The following IGF1R variants were observed in gnomAD, a reference collection of about 807,000 sequenced individuals.
IGF1R encodes insulin-like growth factor 1 receptor.
IGF1R carries 44 observed loss-of-function variants against 144.6 expected under a neutral mutation model. The observed-to-expected ratio is 0.30, with a 90% CI of 0.24 to 0.39. The LOEUF is 0.39. Ranked by LOEUF, IGF1R falls within the 10% of genes least tolerant of loss-of-function variation. The pLI is 1.00. For missense variants in IGF1R, 1,355 were observed against 1,833.7 expected, an observed-to-expected ratio of 0.74 and a Z score of 4.77; for synonymous variants, 795 against 722.8, an observed-to-expected ratio of 1.10 and a Z score of -1.60.
Position 98,794,095 on chromosome 15 carries a change from T to C in IGF1R, c.640+85988T>C, listed in dbSNP as rs1002379241. ...GTTGGTCACAAATGGCAGTGTCCTCTGCATTCAGTTCAGCTATGTGACTGA... is the reference window on the plus strand; with the variant it reads ...GTTGGTCACAAATGGCAGTGTCCTCCGCATTCAGTTCAGCTATGTGACTGA... On this transcript the variant is annotated intron_variant, in intron 2 of 20. Transcript: ENST00000650285. Among the ~76,000 whole-genome samples, 3 of 152,222 alleles carry C rather than the reference T, an allele frequency of 2.0e-5. No individual in the cohort carries two copies. The East Asian group carries it at 5.8e-4, about 29-fold the overall frequency.
At chr15:98,893,634 C>T (rs987401598) in intron 3 of IGF1R, 1 of 152,152 alleles carries the variant, frequency 6.6e-6, no homozygotes, top group Non-Finnish European at 1.5e-5. Context: ...AGTGTGCTAT[C>T]GTCTTTGTTT....
intron 2 of IGF1R, among the ~76,000 whole-genome samples, chr15:98,887,360 C>T (rs1453043208): frequency 1.3e-5 from 2 of 151,976 alleles, no homozygotes; most frequent in African/African-American, 4.8e-5. Flanking sequence ...AAAATCCCGG[C>T]ATTGATATTT....
intron 2 of IGF1R, among the ~76,000 whole-genome samples, chr15:98,719,450 C>T (rs1013826505): frequency 6.6e-6 from 1 of 152,136 alleles, no homozygotes. Flanking sequence ...CCAAATATTT[C>T]TTGTTTGCTG....
At chr15:98,894,002 TC>T (rs1251048241) in intron 3 of IGF1R, among the ~76,000 whole-genome samples, 1 of 152,240 alleles carries the variant, frequency 6.6e-6, no homozygotes, top group Non-Finnish European at 1.5e-5. Context: ...TCAAAACACT[TC>T]CTTAGAAAAA....
In IGF1R at chr15:98,907,481, T is replaced by C. The variant is rs918433125; in HGVS notation, c.1248-1204T>C. 4.6e-5 allele frequency among the ~76,000 whole-genome samples: 7 copies of C among 152,176 alleles called. 1 individual carries two copies. The highest frequency in any genetic ancestry group is 2.9e-5 in the Non-Finnish European group (2 of 68,030). On this transcript the variant is annotated intron_variant, in intron 5 of 20. Transcript: ENST00000650285. ...TTTATACATTAGATCTGTGAGTGGA[T>C]CTTAGAAGTCACTCAAAGTACTGCA...
At position 98,909,261 on chromosome 15, in the gene IGF1R, C is replaced by CTTTTTT. The variant is rs752298130; in HGVS notation, c.1462+375_1462+380dup. On this transcript the variant is annotated intron_variant, in intron 6 of 20. Coordinates refer to ENST00000650285, the MANE Select transcript of IGF1R (RefSeq NM_000875.5). Reference sequence around the variant, plus strand: ...TCTTTTCTTTTTTTTCTTTTTTTTTCTTTTTTTTTTTTTTTTTTGAGATGG... The same window carrying CTTTTTT: ...TCTTTTCTTTTTTTTCTTTTTTTTTCTTTTTTTTTTTTTTTTTTTTTTTTGAGATGG... 4.7e-4 allele frequency among the ~76,000 whole-genome samples: 43 copies of CTTTTTT among 91,730 alleles called. 1 individual carries two copies. Among genetic ancestry groups the CTTTTTT allele is most frequent in the East Asian group, 1.0e-3 (3 of 2,932 alleles). 60.2% of individuals were successfully genotyped at this position (91,730 alleles called of 152,430 possible).
At chr15:98,809,852 C>T (rs968694329) in intron 2 of IGF1R, among the ~76,000 whole-genome samples, 5 of 152,154 alleles carry the variant, frequency 3.3e-5, no homozygotes, top group Middle Eastern at 3.4e-3. Context: ...TCACGTTCCA[C>T]GTATTGTGTT....
At chr15:98,787,435 G>A (rs749998908) in intron 2 of IGF1R, among the ~76,000 whole-genome samples, 6 of 152,196 alleles carry the variant, frequency 3.9e-5, no homozygotes, top group South Asian at 2.1e-4. Flanking sequence ...GCGTTGGAGC[G>A]TGAGCAAAGG....
At chr15:98,797,055 C>T (rs1206418830) in intron 2 of IGF1R, among the ~76,000 whole-genome samples, 2 of 152,330 alleles carry the variant, frequency 1.3e-5, no homozygotes, top group South Asian at 2.1e-4. Flanking sequence ...CTGATGGCTG[C>T]CCCATCTGCC....
chr15:98,932,845 A>G (rs1392170749), intron 15 of IGF1R, among the ~76,000 whole-genome samples: 1 of 152,250 alleles, frequency 6.6e-6, no homozygotes, highest in Non-Finnish European at 1.5e-5. Flanking sequence ...AGAAAACAAG[A>G]TTATTAATGA....
intron 2 of IGF1R, among the ~76,000 whole-genome samples, chr15:98,846,834 C>G (rs2011347297): frequency 6.6e-6 from 1 of 152,192 alleles, no homozygotes. Flanking sequence ...TTTTGCAACA[C>G]TTTGTTGGGA....
At chr15:98,825,919 G>A (rs907707350) in intron 2 of IGF1R, among the ~76,000 whole-genome samples, 4 of 152,196 alleles carry the variant, frequency 2.6e-5, no homozygotes, top group African/African-American at 4.8e-5. Flanking sequence ...TCACCCCTAT[G>A]GGTGTGAATG....
chr15:98,751,143 G>A (rs928393459), intron 2 of IGF1R, among the ~76,000 whole-genome samples: 4 of 152,084 alleles, frequency 2.6e-5, no homozygotes, highest in African/African-American at 7.2e-5. Context: ...GCCTCTGATC[G>A]TTACATGTTT....
chr15:98,940,119 CAT>C (rs1305150521), intron 18 of IGF1R, among the ~76,000 whole-genome samples: 1 of 152,208 alleles, frequency 6.6e-6, no homozygotes, highest in Admixed American at 6.5e-5. Flanking sequence ...TAAAAACACA[CAT>C]AACATCAGGG....
rs1422960028 is a variant in IGF1R at position 98,700,589 on chromosome 15, A to G, written c.95-6973A>G. ...CTGATGCATGTTGAGGACTTTGAAC[A>G]CTCCTCCTACAAGCAAAGTGAAGTT... is the stretch of plus-strand genomic sequence containing the variant. On this transcript the variant is annotated intron_variant, in intron 1 of 20. Coordinates refer to ENST00000650285, the MANE Select transcript of IGF1R (RefSeq NM_000875.5). 4.0e-5 allele frequency among the ~76,000 whole-genome samples: 6 copies of G among 151,656 alleles called. No individual in the cohort carries two copies. In the East Asian group the frequency reaches 7.8e-4, roughly 20 times the overall value.
chr15:98,681,888 G>C (rs942897665), intron 1 of IGF1R, among the ~76,000 whole-genome samples: 6 of 152,196 alleles, frequency 3.9e-5, no homozygotes, highest in African/African-American at 7.2e-5. Context: ...TTCAGGATGG[G>C]TGGGTGGAGG....
chr15:98,869,852 A>G (rs2012687405), intron 2 of IGF1R, among the ~76,000 whole-genome samples: 1 of 152,246 alleles, frequency 6.6e-6, no homozygotes, highest in African/African-American at 2.4e-5. Context: ...TTGCCTATGT[A>G]GTCGTCCAGG....
chr15:98,778,711 G>T (rs2055780849), intron 2 of IGF1R, among the ~76,000 whole-genome samples: 2 of 152,196 alleles, frequency 1.3e-5, no homozygotes, highest in Non-Finnish European at 2.9e-5. Flanking sequence ...TTTTGTGTCT[G>T]TCCTGCACTG....
At chr15:98,756,481 A>G (rs2055159248) in intron 2 of IGF1R, among the ~76,000 whole-genome samples, 1 of 135,910 alleles carries the variant, frequency 7.4e-6, no homozygotes, top group African/African-American at 2.7e-5. Flanking sequence ...TATTGTTATC[A>G]TTTCTCTGGT....
Sources: gnomAD v4.1 joint callset for allele counts (sites outside exome capture counted in the v4.1 genomes callset) on GRCh38, gnomAD v4.1.1 for gene constraint, MANE v1.5 for transcripts, NCBI Gene and HGNC (gene_info 2026-07-23, HGNC 2026-07-21) for gene names.